PPP2R5C: variants seen among roughly 807,000 people sequenced by gnomAD.
PPP2R5C encodes serine/threonine-protein phosphatase 2A 56 kDa regulatory subunit gamma isoform.
PPP2R5C carries 7 observed loss-of-function variants against 68.9 expected under a neutral mutation model. The ratio of observed to expected loss-of-function variants is 0.10; its 90% CI spans 0.06 to 0.19. The LOEUF (loss-of-function observed/expected upper bound fraction) is 0.19. Ranked by LOEUF, PPP2R5C falls within the 10% of genes least tolerant of loss-of-function variation. The pLI is 1.00. For synonymous variants in PPP2R5C, 210 were observed against 222.2 expected (o/e 0.95, Z 0.49); for missense variants, 348 against 641.3 (o/e 0.54, Z 4.94).
chr14:101,788,445 C>T (rs555409301), intron 3 of PPP2R5C, among the ~76,000 whole-genome samples: 5 of 152,216 alleles, frequency 3.3e-5, no homozygotes, highest in Non-Finnish European at 5.9e-5. Flanking sequence ...CGGTGTGTGC[C>T]GGCCTCTAGC....
intron 1 of PPP2R5C, among the ~76,000 whole-genome samples, chr14:101,826,969 C>CTTTTT (rs1030539072): frequency 7.5e-4 from 72 of 95,844 alleles, no homozygotes; most frequent in Middle Eastern, 9.8e-3. Flanking sequence ...AAATGTTTAA[C>CTTTTT]TTTTTTTTTT....
intron 12 of PPP2R5C, among the ~76,000 whole-genome samples, chr14:101,914,007 A>T (rs999933976): frequency 7.2e-5 from 11 of 152,260 alleles, no homozygotes; most frequent in African/African-American, 2.7e-4. Context: ...GTTTGTGTTG[A>T]CAAACATGGC....
chr14:101,837,654 C>T (rs61994052), intron 1 of PPP2R5C, among the ~76,000 whole-genome samples: 10,492 of 152,228 alleles, frequency 0.069, 416 homozygotes, highest in Middle Eastern at 0.14. Context: ...TCCATGGAGG[C>T]GAGGACTGTG....
In PPP2R5C at chr14:101,818,995, A is replaced by G. The variant is rs1351405114; in HGVS notation, c.94+8959A>G. On this transcript the variant is annotated intron_variant, in intron 1 of 13. Transcript: ENST00000334743. ...AAAAAGTTATGTTTCACTCTAGGGA[A>G]CAAGTCCTGAAGAACCCTCAAGCCC... 2.6e-6 allele frequency: 4 copies of G among 1,547,184 alleles called. No homozygotes were observed. In the African/African-American group the frequency reaches 5.5e-5, roughly 21 times the overall value.
intron 2 of PPP2R5C, among the ~76,000 whole-genome samples, chr14:101,775,069 G>A (rs925912529): frequency 3.3e-5 from 5 of 152,212 alleles, no homozygotes; most frequent in Non-Finnish European, 2.9e-5. Flanking sequence ...ATCGGGTTCA[G>A]CACTTGGAGA....
At chr14:101,761,824 G>A, upstream of PPP2R5C, 1 of 980,644 alleles carries the variant, frequency 1.0e-6, no homozygotes, top group Non-Finnish European at 1.2e-6. Flanking sequence ...GACGGCCGGG[G>A]CGGGGGCGCT....
rs1418468274 is a variant in PPP2R5C, at chr14:101,823,184, G to T, written c.94+13148G>T. 3.3e-5 allele frequency among the ~76,000 whole-genome samples: 5 copies of T among 152,170 alleles called. No homozygotes were observed. The East Asian group carries it at 7.7e-4, about 23-fold the overall frequency. Reference sequence around the variant, plus strand: ...TGTTTGGTAAAGAGTTCTTTGGCAGGAAATGGGGACCTATCAGCCAAGCTA... The same window carrying T: ...TGTTTGGTAAAGAGTTCTTTGGCAGTAAATGGGGACCTATCAGCCAAGCTA... On this transcript the variant is annotated intron_variant, in intron 1 of 13. Coordinates refer to ENST00000334743, the Ensembl canonical transcript of PPP2R5C.
At chr14:101,890,807 C>T (rs1018468448) in intron 6 of PPP2R5C, among the ~76,000 whole-genome samples, 2 of 112,734 alleles carry the variant, frequency 1.8e-5, no homozygotes, top group Non-Finnish European at 3.3e-5. Flanking sequence ...GACTCTTGCT[C>T]TGGCACCCAG....
At chr14:101,926,224 T>TA (rs1296203890) in exon 14 of PPP2R5C, 1 of 152,306 alleles carries the variant, frequency 6.6e-6, no homozygotes, top group Non-Finnish European at 1.5e-5. Flanking sequence ...GCAGCGCCTT[T>TA]AAGCATAAAG....
intron 2 of PPP2R5C, among the ~76,000 whole-genome samples, chr14:101,875,481 A>T (rs77049780): frequency 0.035 from 5,332 of 152,276 alleles, 151 homozygotes; most frequent in South Asian, 0.091. Context: ...TTTCCAGGTA[A>T]TTAATTGGTG....
At chr14:101,818,300 A>G (rs1166856145) in intron 1 of PPP2R5C, 1 of 152,188 alleles carries the variant, frequency 6.6e-6, no homozygotes, top group Non-Finnish European at 1.5e-5. Flanking sequence ...ACTCTTTTGA[A>G]GAAGAGAGTT....
intron 2 of PPP2R5C, among the ~76,000 whole-genome samples, chr14:101,863,059 A>C (rs1008187152): frequency 6.6e-6 from 1 of 151,928 alleles, no homozygotes; most frequent in African/African-American, 2.4e-5. Context: ...TGTAATCCCA[A>C]CACTTTGGGA....
chr14:101,833,905 G>A (rs1270522798), intron 1 of PPP2R5C, among the ~76,000 whole-genome samples: 3 of 152,160 alleles, frequency 2.0e-5, no homozygotes, highest in Non-Finnish European at 2.9e-5. Context: ...GGGTTCAAGT[G>A]ATTCTCCTGC....
chr14:101,890,465 A>C (rs149374939), intron 6 of PPP2R5C, among the ~76,000 whole-genome samples, 169 bp downstream of exon 8: 1 of 152,356 alleles, frequency 6.6e-6, no homozygotes, highest in African/African-American at 2.4e-5. Flanking sequence ...CTTAGATTAG[A>C]GCACGCCAAA....
intron 3 of PPP2R5C, among the ~76,000 whole-genome samples, chr14:101,787,138 T>C (rs2038129199): frequency 6.6e-6 from 1 of 152,184 alleles, no homozygotes. Context: ...TGGTCCCGGC[T>C]ACTCAGGAGG....
At chr14:101,867,373 C>T (rs1006344573) in intron 2 of PPP2R5C, among the ~76,000 whole-genome samples, 1 of 151,902 alleles carries the variant, frequency 6.6e-6, no homozygotes, top group South Asian at 2.1e-4. Context: ...TGTGCCACTG[C>T]ACTCCTACCT....
chr14:101,883,391 A>G (rs749921243), intron 4 of PPP2R5C, 41 bp from the exon 7 acceptor site: 2 of 1,611,174 alleles, frequency 1.2e-6, no homozygotes, highest in Non-Finnish European at 1.7e-6. Context: ...CCCTGATGGA[A>G]TGATGACACC....
At chr14:101,813,535 G>A (rs2039488301) in intron 1 of PPP2R5C, among the ~76,000 whole-genome samples, 2 of 152,230 alleles carry the variant, frequency 1.3e-5, no homozygotes, top group African/African-American at 2.4e-5. Context: ...TGGGCCAGCC[G>A]TGATGCTGTG....
intron 1 of PPP2R5C, chr14:101,824,236 G>A (rs962753020): frequency 1.7e-6 from 2 of 1,145,676 alleles, no homozygotes; most frequent in East Asian, 1.2e-4. Flanking sequence ...TACAAAATTA[G>A]ATATATTCTT....
Sources: allele counts gnomAD v4.1 joint callset (sites outside exome capture counted in the v4.1 genomes callset), GRCh38; gene constraint gnomAD v4.1.1; transcripts MANE v1.5; gene names NCBI Gene and HGNC (gene_info 2026-07-23, HGNC 2026-07-21).